ADAMTSL1: variants seen among roughly 807,000 people sequenced by gnomAD.
ADAMTSL1 encodes ADAMTS like 1, also known as ADAMTS-like protein 1.
In ADAMTSL1, 126 loss-of-function variants were observed where a neutral mutation model predicts 201.8. The observed-to-expected ratio is 0.62, with a 90% CI of 0.54 to 0.72. ADAMTSL1 has a LOEUF of 0.72. Among genes scored for constraint, ADAMTSL1 ranks in the 30% least tolerant of loss-of-function variants. ADAMTSL1 has a pLI of 0.00. For synonymous variants in ADAMTSL1, 1,121 were observed against 903.4 expected, an observed-to-expected ratio of 1.24 and a Z score of -4.32; for missense variants, 2,679 against 2,277.8, an observed-to-expected ratio of 1.18 and a Z score of -3.59.
chr9:18,061,317 A>T (rs1215700199), intron 1 of ADAMTSL1, among the ~76,000 whole-genome samples: 3 of 152,110 alleles, frequency 2.0e-5, no homozygotes, highest in Non-Finnish European at 2.9e-5. Context: ...TCTTTCACAT[A>T]GTTTTCCTGT....
intron 11 of ADAMTSL1, chr9:18,681,033 A>T (rs1396590872): frequency 1.3e-5 from 2 of 152,818 alleles, no homozygotes; most frequent in African/African-American, 4.8e-5. Context: ...AAACTTATAG[A>T]TGTTAGGAAA....
At chr9:18,504,144 C>G (rs982115685) in intron 1 of ADAMTSL1, among the ~76,000 whole-genome samples, 9 of 152,046 alleles carry the variant, frequency 5.9e-5, no homozygotes, top group African/African-American at 2.2e-4. Context: ...AACTCCAGAG[C>G]CTGTTCTCTT....
chr9:17,970,695 C>G (rs1422250263), intron 1 of ADAMTSL1, among the ~76,000 whole-genome samples: 6 of 152,040 alleles, frequency 3.9e-5, no homozygotes, highest in Non-Finnish European at 8.8e-5. Flanking sequence ...AGGATGTTGT[C>G]CCTGGTTCTG....
At chr9:18,424,295 G>C (rs991578086) in intron 2 of ADAMTSL1, among the ~76,000 whole-genome samples, 1 of 152,170 alleles carries the variant, frequency 6.6e-6, no homozygotes, top group Non-Finnish European at 1.5e-5. Flanking sequence ...AACTCATGCT[G>C]TAAGAGAAGT....
chr9:18,013,138 C>G (rs1259863477), intron 1 of ADAMTSL1, among the ~76,000 whole-genome samples: 1 of 151,778 alleles, frequency 6.6e-6, no homozygotes, highest in Non-Finnish European at 1.5e-5. Context: ...ACTGAGACAC[C>G]AAAAGTAACA....
chr9:18,685,785 C>T (rs1830791061), intron 13 of ADAMTSL1, among the ~76,000 whole-genome samples: 1 of 152,240 alleles, frequency 6.6e-6, no homozygotes, highest in Non-Finnish European at 1.5e-5. Flanking sequence ...CAGAACACAA[C>T]TGTGTTCCTG....
At chr9:18,846,310 C>T (rs1360788354) in intron 23 of ADAMTSL1, among the ~76,000 whole-genome samples, 1 of 152,134 alleles carries the variant, frequency 6.6e-6, no homozygotes, top group Non-Finnish European at 1.5e-5. Context: ...TTTCAGGTCT[C>T]AGCTTGGCCA....
At chr9:18,629,136 T>C (rs1265062142) in intron 5 of ADAMTSL1, among the ~76,000 whole-genome samples, 1 of 152,218 alleles carries the variant, frequency 6.6e-6, no homozygotes, top group African/African-American at 2.4e-5. Context: ...ACTCACTCAA[T>C]ACCTCTGAGT....
intron 2 of ADAMTSL1, among the ~76,000 whole-genome samples, chr9:18,319,807 G>A (rs1410485160): frequency 6.6e-6 from 1 of 152,192 alleles, no homozygotes; most frequent in African/African-American, 2.4e-5. Flanking sequence ...ACCTGAATCT[G>A]TGAATATGTT....
intron 2 of ADAMTSL1, among the ~76,000 whole-genome samples, chr9:18,270,247 G>A (rs1832303037): frequency 6.6e-6 from 1 of 151,916 alleles, no homozygotes. Context: ...AGTACTCTGG[G>A]GTACCTTTTA....
rs563981959 is a variant in ADAMTSL1, at chr9:18,308,575, C to G, written c.207+144594C>G. 4.6e-5 allele frequency among the ~76,000 whole-genome samples: 7 copies of G among 152,134 alleles called. No homozygotes were observed. The South Asian group carries it at 1.2e-3, about 27-fold the overall frequency. ...CTACAAACACCTCTATGCAAATAAA[C>G]TGGAAAATGAAGAAGAAATGGATAC... On this transcript the variant is annotated intron_variant, in intron 2 of 29. Coordinates refer to the ADAMTSL1 transcript ENST00000680146.
At chr9:18,137,985 G>T (rs777206105) in intron 1 of ADAMTSL1, among the ~76,000 whole-genome samples, 2 of 152,082 alleles carry the variant, frequency 1.3e-5, no homozygotes, top group Non-Finnish European at 2.9e-5. Flanking sequence ...GTGGACAGCC[G>T]GACCAACTCT....
intron 4 of ADAMTSL1, among the ~76,000 whole-genome samples, chr9:18,575,379 C>T (rs1177235239): frequency 6.6e-6 from 1 of 151,944 alleles, no homozygotes; most frequent in Non-Finnish European, 1.5e-5. Flanking sequence ...CTTAAGGTTT[C>T]CTTATATACA....
At chr9:18,619,413 A>G (rs1328699297) in intron 4 of ADAMTSL1, among the ~76,000 whole-genome samples, 1 of 138,234 alleles carries the variant, frequency 7.2e-6, no homozygotes, top group Admixed American at 7.3e-5. Flanking sequence ...GAAAAGGAAG[A>G]AAAAAAAAAC....
intron 23 of ADAMTSL1, among the ~76,000 whole-genome samples, chr9:18,881,589 C>T (rs748784716): frequency 2.0e-5 from 3 of 152,192 alleles, no homozygotes; most frequent in African/African-American, 4.8e-5. Context: ...ACTGATCACA[C>T]ATAACCGTAA....
chr9:18,730,907 G>A (rs1818180511), intron 15 of ADAMTSL1, among the ~76,000 whole-genome samples: 1 of 152,222 alleles, frequency 6.6e-6, no homozygotes, highest in Admixed American at 6.5e-5. Context: ...GCTACTATGT[G>A]ATTCACAGAG....
At chr9:18,244,146 C>T (rs1831172911) in intron 2 of ADAMTSL1, among the ~76,000 whole-genome samples, 2 of 151,028 alleles carry the variant, frequency 1.3e-5, no homozygotes, top group Admixed American at 1.3e-4. Context: ...TCATAGCTGC[C>T]TACAACACTG....
chr9:18,261,027 T>G lies in ADAMTSL1; in HGVS notation c.207+97046T>G, dbSNP rs113620167. The stretch of plus-strand genomic sequence containing the variant: ...TTTCCTTTTTCTTTTTTTTTTTTTT[T>G]TGTGTGTCCTACAGAAAGAGAATGT... On this transcript the variant is annotated intron_variant, in intron 2 of 29. Transcript: ENST00000680146. Among the ~76,000 whole-genome samples the G allele has an allele frequency of 7.2e-3, 857 of 118,560 alleles. 12 individuals carry two copies. Among genetic ancestry groups the G allele is most frequent in the African/African-American group, 0.021 (775 of 36,194 alleles). The allele number at this position is 118,560 out of a possible 152,430, so 77.8% of individuals were successfully genotyped here.
At chr9:18,273,072 A>G (rs776157452) in intron 2 of ADAMTSL1, among the ~76,000 whole-genome samples, 1 of 152,140 alleles carries the variant, frequency 6.6e-6, no homozygotes, top group Admixed American at 6.6e-5. Flanking sequence ...GGTTGCAGGG[A>G]CCAAAAGGTC....
Sources: allele counts gnomAD v4.1 joint callset (sites outside exome capture counted in the v4.1 genomes callset), GRCh38; gene constraint gnomAD v4.1.1; transcripts MANE v1.5; gene names NCBI Gene and HGNC (gene_info 2026-07-23, HGNC 2026-07-21).